GRID2: variants seen among roughly 807,000 people sequenced by gnomAD.
GRID2 encodes glutamate receptor ionotropic, delta-2.
In GRID2, 33 loss-of-function variants were observed where a neutral mutation model predicts 114.8. That is an observed-to-expected ratio of 0.29 (90% CI 0.22 to 0.38). The LOEUF is 0.38. Among genes scored for constraint, GRID2 ranks in the 10% least tolerant of loss-of-function variants. The pLI is 1.00. For missense variants in GRID2, 1,184 were observed against 1,257.7 expected (o/e 0.94, Z 0.89); for synonymous variants, 505 against 449.9 (o/e 1.12, Z -1.55).
chr4:93,550,836 T>A lies in GRID2; in HGVS notation c.2193+35425T>A, dbSNP rs746377711. On this transcript the variant is annotated intron_variant, in intron 13 of 15. Transcript: ENST00000282020. ...CATACTTATTATATGCCCTAAATAT[T>A]TGAGATGCATATATTTTTTAGTGTA... Among the ~76,000 whole-genome samples, 20 of 152,222 alleles carry A rather than the reference T, an allele frequency of 1.3e-4. 1 individual carries two copies. The highest frequency in any genetic ancestry group is 2.8e-4 in the Non-Finnish European group (19 of 68,038).
chr4:92,581,444 A>G (rs958711812), intron 1 of GRID2, among the ~76,000 whole-genome samples: 2 of 152,044 alleles, frequency 1.3e-5, no homozygotes, highest in Non-Finnish European at 2.9e-5. Flanking sequence ...TCTCCCACAT[A>G]CTTCTGGAAG....
chr4:93,195,895 G>A (rs1234437624), intron 4 of GRID2, among the ~76,000 whole-genome samples: 5 of 152,152 alleles, frequency 3.3e-5, no homozygotes, highest in Admixed American at 6.5e-5. Flanking sequence ...CTAAAATATA[G>A]CAGATGACTT....
chr4:93,388,663 A>T (rs986135044), intron 8 of GRID2, among the ~76,000 whole-genome samples: 3 of 152,218 alleles, frequency 2.0e-5, no homozygotes, highest in Admixed American at 1.3e-4. Context: ...CTGGAAAACT[A>T]TGGAAAGACT....
At chr4:92,828,307 C>T (rs369035261) in intron 2 of GRID2, among the ~76,000 whole-genome samples, 13 of 152,010 alleles carry the variant, frequency 8.6e-5, no homozygotes, top group African/African-American at 2.2e-4. Flanking sequence ...TAGAAATCTG[C>T]GAATAGATTT....
intron 2 of GRID2, among the ~76,000 whole-genome samples, chr4:92,618,279 T>C (rs1201368791): frequency 6.6e-6 from 1 of 151,772 alleles, no homozygotes; most frequent in African/African-American, 2.4e-5. Flanking sequence ...TCTGCCTTAA[T>C]GTATGTTCTG....
At chr4:93,528,506 C>G (rs1194085620) in intron 13 of GRID2, among the ~76,000 whole-genome samples, 2 of 150,580 alleles carry the variant, frequency 1.3e-5, no homozygotes, top group Non-Finnish European at 2.9e-5. Flanking sequence ...TCATGTAAAT[C>G]TAAATTCTAT....
chr4:93,353,140 C>T (rs1028285802), intron 8 of GRID2, among the ~76,000 whole-genome samples: 1 of 151,978 alleles, frequency 6.6e-6, no homozygotes, highest in African/African-American at 2.4e-5. Context: ...GTAAAACTGG[C>T]TTTGAGGTAA....
chr4:92,496,123 A>T (rs182378337), intron 1 of GRID2, among the ~76,000 whole-genome samples: 1 of 152,078 alleles, frequency 6.6e-6, no homozygotes, highest in East Asian at 1.9e-4. Context: ...CCTTTAAATT[A>T]ATGTTGAATA....
At chr4:92,774,465 A>T (rs1560584374) in intron 2 of GRID2, among the ~76,000 whole-genome samples, 1 of 151,886 alleles carries the variant, frequency 6.6e-6, no homozygotes. Context: ...AATGCTACTG[A>T]GGTACTTTAC....
chr4:93,459,260 GAGTGAAA>G (rs1411681199), intron 11 of GRID2, among the ~76,000 whole-genome samples: 1 of 148,538 alleles, frequency 6.7e-6, no homozygotes, highest in African/African-American at 2.5e-5. Flanking sequence ...TACAGAAAAA[GAGTGAAA>G]ACATAATTAT....
At chr4:93,134,066 A>C (rs1455165718) in intron 4 of GRID2, among the ~76,000 whole-genome samples, 1 of 152,128 alleles carries the variant, frequency 6.6e-6, no homozygotes, top group Non-Finnish European at 1.5e-5. Context: ...CTCCCAGTTA[A>C]ACACATTCTA....
At chr4:92,413,882 C>T (rs1033127643) in intron 1 of GRID2, among the ~76,000 whole-genome samples, 5 of 151,888 alleles carry the variant, frequency 3.3e-5, no homozygotes, top group African/African-American at 1.2e-4. Context: ...AAGAGGAACA[C>T]ACTAGATTGT....
intron 2 of GRID2, among the ~76,000 whole-genome samples, chr4:93,026,448 CTTTA>C (rs1723891046): frequency 6.6e-6 from 1 of 151,868 alleles, no homozygotes; most frequent in South Asian, 2.1e-4. Flanking sequence ...CTGAGCTTGG[CTTTA>C]TTTCTTATTA....
chr4:93,352,880 C>G (rs939758262), intron 8 of GRID2, among the ~76,000 whole-genome samples: 2 of 151,936 alleles, frequency 1.3e-5, no homozygotes, highest in African/African-American at 4.8e-5. Context: ...TTCAGTCTTG[C>G]CTCCTTAAGA....
chr4:93,297,443 A>G (rs559882878), intron 8 of GRID2, among the ~76,000 whole-genome samples: 1 of 152,334 alleles, frequency 6.6e-6, no homozygotes, highest in African/African-American at 2.4e-5. Context: ...ATAGTGTAGC[A>G]GCTTAAAAGA....
intron 1 of GRID2, among the ~76,000 whole-genome samples, chr4:92,455,587 G>C (rs1721173039): frequency 6.6e-6 from 1 of 152,026 alleles, no homozygotes; most frequent in South Asian, 2.1e-4. Flanking sequence ...CTGGTGAGCA[G>C]GAATAGAAAC....
At chr4:93,187,729 A>G (rs1034881003) in intron 4 of GRID2, among the ~76,000 whole-genome samples, 2 of 152,244 alleles carry the variant, frequency 1.3e-5, no homozygotes, top group African/African-American at 4.8e-5. Context: ...AAATAAAACA[A>G]CTTATGTGCT....
At chr4:92,577,290 G>A (rs767623988) in intron 1 of GRID2, among the ~76,000 whole-genome samples, 19 of 152,246 alleles carry the variant, frequency 1.2e-4, no homozygotes, top group Non-Finnish European at 2.2e-4. Context: ...AGTATACAGG[G>A]GATGTCAGGG....
chr4:93,026,016 T>C (rs1459681078), intron 2 of GRID2, among the ~76,000 whole-genome samples: 2 of 151,734 alleles, frequency 1.3e-5, no homozygotes, highest in Non-Finnish European at 3.0e-5. Context: ...GAACAAAAAG[T>C]AGGGAAAGTT....
Sources: gnomAD v4.1 joint callset for allele counts (sites outside exome capture counted in the v4.1 genomes callset) on GRCh38, gnomAD v4.1.1 for gene constraint, MANE v1.5 for transcripts, NCBI Gene and HGNC (gene_info 2026-07-23, HGNC 2026-07-21) for gene names.